Variants in FGF14 observed in about 807,000 individuals in gnomAD.
FGF14 encodes fibroblast growth factor homologous factor 4.
FGF14 carries 5 observed loss-of-function variants against 25.5 expected under a neutral mutation model. The ratio of observed to expected loss-of-function variants is 0.20; its 90% CI spans 0.10 to 0.41. FGF14 has a LOEUF of 0.41. FGF14 is among the 10% of genes least tolerant of loss of function. FGF14 has a pLI of 1.00. For synonymous variants in FGF14, 138 were observed against 118.3 expected, an observed-to-expected ratio of 1.17 and a Z score of -1.08; for missense variants, 222 against 320.1, an observed-to-expected ratio of 0.69 and a Z score of 2.34.
chr13:102,223,951 T>A lies in FGF14; in HGVS notation c.208+177520A>T, dbSNP rs1002758418. Among the ~76,000 whole-genome samples, 7 of 152,282 alleles carry A rather than the reference T, an allele frequency of 4.6e-5. 2 individuals are homozygous for A. ...AAATGACAGAATAACATAATGGTAA[T>A]AAGAACTTGAATTGAGTTACAGATT... On this transcript the variant is annotated intron_variant, in intron 1 of 4. Transcript: ENST00000376131.
intron 1 of FGF14, among the ~76,000 whole-genome samples, chr13:102,351,903 C>T (rs990959092): frequency 4.6e-5 from 7 of 152,128 alleles, no homozygotes; most frequent in Non-Finnish European, 1.0e-4. Context: ...CTAAATCCAG[C>T]CCATGCTGAA....
upstream of FGF14, among the ~76,000 whole-genome samples, chr13:101,921,822 T>C (rs903581645): frequency 6.6e-6 from 1 of 152,230 alleles, no homozygotes; most frequent in Admixed American, 6.5e-5. Context: ...GCTGTTGCAT[T>C]TGACTCTCAT....
At chr13:102,301,745 G>A (rs554654554) in intron 1 of FGF14, among the ~76,000 whole-genome samples, 22 of 151,566 alleles carry the variant, frequency 1.5e-4, no homozygotes, top group Admixed American at 3.3e-4. Context: ...CCTCAAGTGC[G>A]CCTTTAGTGC....
At chr13:101,960,321 T>G (rs1174793860) in intron 1 of FGF14, among the ~76,000 whole-genome samples, 1 of 152,196 alleles carries the variant, frequency 6.6e-6, no homozygotes, top group Non-Finnish European at 1.5e-5. Context: ...AAGCCCAGCA[T>G]GCATTAGCTA....
intron 3 of FGF14, among the ~76,000 whole-genome samples, chr13:101,791,392 C>T (rs2040224410): frequency 6.6e-6 from 1 of 152,158 alleles, no homozygotes; most frequent in African/African-American, 2.4e-5. Context: ...CTTTACATTA[C>T]ATTTTTTTGT....
At chr13:102,308,211 T>C (rs898513557) in intron 1 of FGF14, among the ~76,000 whole-genome samples, 1 of 152,150 alleles carries the variant, frequency 6.6e-6, no homozygotes, top group Non-Finnish European at 1.5e-5. Flanking sequence ...ATCCTCTCCA[T>C]TGGCAGAGGG....
intron 3 of FGF14, among the ~76,000 whole-genome samples, chr13:101,776,271 TA>T (rs2039097510): frequency 3.3e-5 from 5 of 152,198 alleles, no homozygotes. Context: ...TATTAAAATT[TA>T]GAACTGTCCT....
intron 1 of FGF14, among the ~76,000 whole-genome samples, chr13:102,200,253 T>TTA (rs963711048): frequency 5.9e-5 from 9 of 152,180 alleles, no homozygotes; most frequent in Non-Finnish European, 7.4e-5. Context: ...ATATGTGCAT[T>TTA]TATATATATA....
chr13:102,275,282 C>CTCTCTCTCTCTCTA (rs1184449210), intron 1 of FGF14, among the ~76,000 whole-genome samples: 2 of 148,148 alleles, frequency 1.3e-5, no homozygotes, highest in African/African-American at 5.0e-5. Context: ...CTCTCTCTCT[C>CTCTCTCTCTCTCTA]TCTCTGCCAC....
intron 1 of FGF14, among the ~76,000 whole-genome samples, chr13:102,055,470 A>G (rs2042388559): frequency 6.6e-6 from 1 of 152,226 alleles, no homozygotes; most frequent in Non-Finnish European, 1.5e-5. Flanking sequence ...AGATTATATC[A>G]TATTCCTGTT....
intron 3 of FGF14, among the ~76,000 whole-genome samples, chr13:101,797,772 T>TGC (rs1555384574): frequency 0.33 from 47,378 of 145,428 alleles, 9,419 homozygotes; most frequent in Non-Finnish European, 0.43. Context: ...TGTGTGTGTG[T>TGC]GTGTGTGTGT....
At chr13:101,724,190 A>G (rs2035198977) in intron 4 of FGF14, among the ~76,000 whole-genome samples, 1 of 152,082 alleles carries the variant, frequency 6.6e-6, no homozygotes, top group African/African-American at 2.4e-5. Context: ...TTGATTTTCT[A>G]TGTAGTGAAG....
rs138809016 is a variant in FGF14, at chr13:101,883,481, C to T, written c.194-8185G>A. On this transcript the variant is annotated intron_variant, in intron 1 of 4. Coordinates refer to ENST00000376143, the MANE Select transcript of FGF14 (RefSeq NM_004115.4). ...TACTGTGAATCTACTTTGTTCCAAG[C>T]GTTTTGTTAGGAGCTGAGAGGAATT... is the stretch of plus-strand genomic sequence containing the variant. 3.4e-3 allele frequency among the ~76,000 whole-genome samples: 517 copies of T among 152,272 alleles called. 5 individuals are homozygous for T. Among genetic ancestry groups the T allele is most frequent in the African/African-American group, 0.012 (485 of 41,568 alleles).
chr13:101,963,230 T>C (rs1214946830), intron 1 of FGF14, among the ~76,000 whole-genome samples: 1 of 152,252 alleles, frequency 6.6e-6, no homozygotes, highest in Non-Finnish European at 1.5e-5. Context: ...TTGCTTCGTG[T>C]TTTCACACTT....
intron 1 of FGF14, among the ~76,000 whole-genome samples, chr13:102,100,662 T>C (rs192350824): frequency 1.8e-3 from 276 of 152,352 alleles, no homozygotes; most frequent in Non-Finnish European, 3.2e-3. Flanking sequence ...TAGCCTCCTG[T>C]TGAGAGCAAG....
intron 1 of FGF14, among the ~76,000 whole-genome samples, chr13:102,084,825 G>A (rs2043813497): frequency 6.6e-6 from 1 of 152,172 alleles, no homozygotes; most frequent in African/African-American, 2.4e-5. Context: ...CGTGGTAGAT[G>A]GAGTGCTTTG....
At chr13:102,102,585 A>G (rs572980001) in intron 1 of FGF14, among the ~76,000 whole-genome samples, 4 of 152,314 alleles carry the variant, frequency 2.6e-5, no homozygotes, top group African/African-American at 9.6e-5. Context: ...ACATCCATCA[A>G]GACTCCATGG....
At chr13:102,200,929 C>T (rs1264195667) in intron 1 of FGF14, among the ~76,000 whole-genome samples, 5 of 151,524 alleles carry the variant, frequency 3.3e-5, no homozygotes, top group East Asian at 1.9e-4. Context: ...GGTGAAACCC[C>T]GTCTCTACTA....
At chr13:101,948,594 G>A (rs1203253690) in intron 1 of FGF14, among the ~76,000 whole-genome samples, 1 of 151,856 alleles carries the variant, frequency 6.6e-6, no homozygotes, top group African/African-American at 2.4e-5. Flanking sequence ...GAGCTCATTC[G>A]TAATGATAGT....
Sources: gnomAD v4.1 joint callset for allele counts (sites outside exome capture counted in the v4.1 genomes callset) on GRCh38, gnomAD v4.1.1 for gene constraint, MANE v1.5 for transcripts, NCBI Gene and HGNC (gene_info 2026-07-23, HGNC 2026-07-21) for gene names.